The following EVPL variants were observed in gnomAD, a reference collection of about 807,000 sequenced individuals.
EVPL encodes the protein envoplakin, also known as 210 kDa cornified envelope precursor protein.
EVPL carries 94 observed loss-of-function variants against 129.7 expected under a neutral mutation model. The observed-to-expected ratio is 0.72, with a 90% CI of 0.61 to 0.86. The LOEUF is 0.86. EVPL is among the 40% of genes least tolerant of loss of function. The probability of loss-of-function intolerance (pLI) is 0.00; values close to 1 mark genes in which losing one functional copy is unlikely to be tolerated. For missense variants in EVPL, 2,625 were observed against 2,721.1 expected, an observed-to-expected ratio of 0.96 and a Z score of 0.79; for synonymous variants, 1,172 against 1,191.1, an observed-to-expected ratio of 0.98 and a Z score of 0.33.
chr17:76,022,628 G>T lies in EVPL; in HGVS notation c.481-90C>A. 6.7e-7 allele frequency: 1 copy of T among 1,492,568 alleles called. No individual in the cohort carries two copies. The highest frequency in any genetic ancestry group is 8.9e-7 in the Non-Finnish European group (1 of 1,118,650). 92.5% of individuals were successfully genotyped at this position (1,492,568 alleles called of 1,614,324 possible). On this transcript the variant is annotated intron_variant, in intron 4 of 21. Transcript: ENST00000301607. This position sits in a 1 kb window ranked among gnomAD's most constrained non-coding sequence, Gnocchi z 5.6. ...CCTCCCACCCGGAGAAGTGGACTTG[G>T]TCATTTGGGCAGAGCGTGGACGAGC... is the stretch of plus-strand genomic sequence containing the variant.
rs776275065 is a variant in EVPL at position 76,009,370 on chromosome 17, C to T, written c.3835G>A (p.Glu1279Lys). 1.2e-6 allele frequency: 2 copies of T among 1,613,694 alleles called. No individual in the cohort carries two copies. The highest frequency in any genetic ancestry group is 3.3e-5 in the Admixed American group (2 of 60,004). Residue 1279 changes from glutamate to lysine, a missense_variant, in exon 22 of 22, where the codon GAG (glutamate) becomes AAG (lysine). Physicochemically the swap from Glu to Lys is moderately conservative, Grantham distance 56. Coordinates refer to ENST00000301607, the MANE Select transcript of EVPL (RefSeq NM_001988.4). The surrounding 1 kb of genome is among the most constrained non-coding windows in gnomAD (Gnocchi z 5.9). ...GAGCGCCCGTGGCTGTTGACGAGCTCGTTGAGCTGAGCCTTCAGGCGGTCG... is the reference window on the plus strand; with the variant it reads ...GAGCGCCCGTGGCTGTTGACGAGCTTGTTGAGCTGAGCCTTCAGGCGGTCG... ...EIDRLKAQLNELVNSHGRSQE... is the reference protein window; with the variant it reads ...EIDRLKAQLNKLVNSHGRSQE...
In EVPL at chr17:76,009,086, C is replaced by T; in HGVS notation, c.4119G>A (p.Gln1373=). ...GGTCCTTCTGGGTGACCACCACCTC[C>T]TGCACCACCACCTTCTCCTCGGGCT... is the stretch of plus-strand genomic sequence containing the variant. ...RRKPEEKVVV[Q]EVVVTQKDPK... The change falls in exon 22 of 22, where the codon CAG becomes CAA. Residue 1373 remains glutamine, a synonymous_variant. Transcript: ENST00000301607. The surrounding 1 kb of genome is among the most constrained non-coding windows in gnomAD (Gnocchi z 5.9). 3.1e-6 allele frequency: 5 copies of T among 1,613,482 alleles called. No homozygotes were observed. The highest frequency in any genetic ancestry group is 3.4e-6 in the Non-Finnish European group (4 of 1,179,622).
chr17:76,019,104 T>C, intron 10 of EVPL, 44 bp from the exon 11 acceptor site: 2 of 1,520,406 alleles, frequency 1.3e-6, no homozygotes, highest in Non-Finnish European at 1.7e-6. Flanking sequence ...CAGGCTGCAT[T>C]GGAGGCTGGC....
In EVPL at chr17:76,018,950, C is replaced by T. The variant is rs1458385050; in HGVS notation, c.1248G>A (p.Leu416=). ...PQRRNPPQQP[L]HVDSICDWDS... The stretch of plus-strand genomic sequence containing the variant: ...CCCAGTCGCAGATGCTGTCCACGTG[C>T]AGGGGCTGCTGAGGGGGGTTTCTTC... Residue 416 remains leucine, a synonymous_variant, in exon 11 of 22, where the codon CTG becomes CTA. Transcript: ENST00000301607. 1.5e-5 allele frequency: 24 copies of T among 1,555,920 alleles called. No individual in the cohort carries two copies. Among genetic ancestry groups the T allele is most frequent in the Non-Finnish European group, 2.1e-5 (24 of 1,155,252 alleles).
chr17:76,012,142 C>T (rs571609036), intron 18 of EVPL, 53 bp from the exon 19 acceptor site: 31 of 1,422,846 alleles, frequency 2.2e-5, no homozygotes, highest in Non-Finnish European at 2.9e-5. Flanking sequence ...ATCACCCTGA[C>T]TCTCCTCTAG....
In EVPL at chr17:76,017,886, G is replaced by T; in HGVS notation, c.1563C>A (p.Asn521Lys). Residue 521 changes from asparagine to lysine, a missense_variant, in exon 14 of 22, where the codon AAC becomes AAA. Asn to Lys is a moderately conservative substitution (Grantham distance 94). Around this residue, in one of 4 missense-constraint regions of EVPL, gnomAD observed 1,024 missense variants for 997.5 expected, o/e 1.03. Coordinates refer to ENST00000301607, the MANE Select transcript of EVPL (RefSeq NM_001988.4). ...QQAPSGSDLA[N>K]PQAQKLLTQM... is the part of the protein sequence containing the mutation. Reference sequence around the variant, plus strand: ...GTGTCAGGAGCTTCTGGGCCTGTGGGTTGGCCAGGTCTGAGCCAGATGGAG... The same window carrying T: ...GTGTCAGGAGCTTCTGGGCCTGTGGTTTGGCCAGGTCTGAGCCAGATGGAG... The T allele has an allele frequency of 6.2e-7, 1 of 1,614,120 alleles. No homozygotes were observed. Among genetic ancestry groups the T allele is most frequent in the Non-Finnish European group, 8.5e-7 (1 of 1,180,038 alleles).
chr17:76,019,781 C>T (rs1162918798), intron 9 of EVPL, 128 bp from the exon 10 acceptor site: 3 of 1,207,598 alleles, frequency 2.5e-6, no homozygotes, highest in Non-Finnish European at 3.3e-6. Flanking sequence ...CACAAACCAG[C>T]TAAACACAAA....
chr17:76,014,409 C>A lies in EVPL; in HGVS notation c.2373+17G>T. ...GGGCCACATGGGCACAGGCAGCTGTCCCTGCCCCAGCCTCACCTTCTGCGC... is the reference window on the plus strand; with the variant it reads ...GGGCCACATGGGCACAGGCAGCTGTACCTGCCCCAGCCTCACCTTCTGCGC... On this transcript the variant is annotated intron_variant, in intron 18 of 21. Coordinates refer to ENST00000301607, the MANE Select transcript of EVPL (RefSeq NM_001988.4). 6.2e-7 allele frequency: 1 copy of A among 1,604,148 alleles called. No homozygotes were observed. Among genetic ancestry groups the A allele is most frequent in the East Asian group, 2.2e-5 (1 of 44,638 alleles).
chr17:76,007,608 C>A lies in EVPL; in HGVS notation c.5597G>T (p.Gly1866Val). The change falls in exon 22 of 22, where the codon GGG becomes GTG. Residue 1866 changes from glycine (G) to valine (V), a missense_variant. By Grantham distance (109) the Gly-to-Val change is moderately radical. Coordinates refer to ENST00000301607, the MANE Select transcript of EVPL (RefSeq NM_001988.4). The surrounding 1 kb of genome is among the most constrained non-coding windows in gnomAD (Gnocchi z 8.8). ...QKLLEAQAAT[G>V]GIVDLLSRER... ...ACGGCTGAGCAGGTCCACGATGCCCCCTGTGGCCGCCTGGGCCTCCAGTAG... is the reference window on the plus strand; with the variant it reads ...ACGGCTGAGCAGGTCCACGATGCCCACTGTGGCCGCCTGGGCCTCCAGTAG... 1 of 1,613,948 alleles carries A rather than the reference C, an allele frequency of 6.2e-7. No individual in the cohort carries two copies. Among genetic ancestry groups the A allele is most frequent in the Non-Finnish European group, 8.5e-7 (1 of 1,180,032 alleles).
At chr17:76,011,411 GA>G in intron 21 of EVPL, 164 bp downstream of exon 21, 1 of 655,184 alleles carries the variant, frequency 1.5e-6, no homozygotes, top group Non-Finnish European at 2.7e-6. Flanking sequence ...TGGGTGGCTG[GA>G]ATCCGCTCCC....
chr17:76,011,194 C>T (rs768658165), intron 21 of EVPL, among the ~76,000 whole-genome samples: 1 of 152,236 alleles, frequency 6.6e-6, no homozygotes, highest in Non-Finnish European at 1.5e-5. Flanking sequence ...GGCAAGTCAC[C>T]AGGAGTCCTG....
rs948480449 is a variant in EVPL at position 76,013,386 on chromosome 17, C to T, written c.2373+1040G>A. On this transcript the variant is annotated intron_variant, in intron 18 of 21. Coordinates refer to ENST00000301607, the MANE Select transcript of EVPL (RefSeq NM_001988.4). This position sits in a 1 kb window ranked among gnomAD's most constrained non-coding sequence, Gnocchi z 4.3. ...TTGCTCTCACGAGCTCCTAGGGGAA[C>T]CCCCAGCCCCAGTTCCCTCCCATAT... is the stretch of plus-strand genomic sequence containing the variant. Among the ~76,000 whole-genome samples, 1 of 152,150 alleles carries T rather than the reference C, an allele frequency of 6.6e-6. No individual in the cohort carries two copies. The highest frequency in any genetic ancestry group is 6.5e-5 in the Admixed American group (1 of 15,286).
In EVPL at chr17:76,014,449, C is replaced by G; in HGVS notation, c.2350G>C (p.Ala784Pro). 2 of 1,610,512 alleles carry G rather than the reference C, an allele frequency of 1.2e-6. No individual in the cohort carries two copies. The highest frequency in any genetic ancestry group is 1.7e-6 in the Non-Finnish European group (2 of 1,178,930). The change falls in exon 18 of 22, where the codon GCC becomes CCC. Residue 784 changes from alanine to proline, a missense_variant. Ala to Pro is a conservative substitution (Grantham distance 27). Coordinates refer to ENST00000301607, the MANE Select transcript of EVPL (RefSeq NM_001988.4). ...VRPSDGPSQI[A>P]YKLQAQKRLT... ...ACCTTCTGCGCCTGCAGCTTGTAGG[C>G]GATCTGGCTGGGGCCGTCGCTGGGC...
rs139153330 is a variant in EVPL, at chr17:76,011,854, C to A, written c.2486G>T (p.Arg829Leu). ...QDYELQADTY[R>L]CSLEPTLAVS... is the part of the protein sequence containing the mutation. Reference sequence around the variant, plus strand: ...TGCCAGGGTGGGCTCCAAAGAGCAGCGGTAGGTGTCTGCCTGGAGCTCATA... The same window carrying A: ...TGCCAGGGTGGGCTCCAAAGAGCAGAGGTAGGTGTCTGCCTGGAGCTCATA... Residue 829 changes from arginine (R) to leucine (L), a missense_variant, in exon 20 of 22, where the codon CGC becomes CTC. This residue lies in a region of EVPL where 1,024 missense variants were observed against 997.5 expected (regional missense o/e 1.03). Transcript: ENST00000301607. 6.2e-7 allele frequency: 1 copy of A among 1,613,388 alleles called. No individual in the cohort carries two copies. The highest frequency in any genetic ancestry group is 1.1e-5 in the South Asian group (1 of 91,062).
intron 1 of EVPL, among the ~76,000 whole-genome samples, chr17:76,026,239 A>G (rs1598247844): frequency 8.2e-6 from 1 of 122,424 alleles, no homozygotes; most frequent in Admixed American, 9.2e-5. Context: ...GTATTGCGCC[A>G]GGATTTTTTT....
Position 76,007,157 on chromosome 17 carries a change from C to G in EVPL, c.6048G>C (p.Glu2016Asp), listed in dbSNP as rs765498392. The G allele has an allele frequency of 3.3e-6, 5 of 1,508,872 alleles. No homozygotes were observed. In the East Asian group the frequency reaches 1.1e-4, roughly 34 times the overall value. 93.5% of individuals were successfully genotyped at this position (1,508,872 alleles called of 1,614,324 possible). A position where few individuals can be genotyped will look rare whatever the true frequency, so the allele number is the denominator to read the frequency against. Reference protein sequence around the residue: ...SGLLLLPAALEGYRCYRSASP... With the variant: ...SGLLLLPAALDGYRCYRSASP... ...AGGCGGAGCGGTAGCAGCGGTACCC[C>G]TCCAGTGCCGCTGGCAGGAGCAGCA... Residue 2016 changes from glutamate to aspartate, a missense_variant, in exon 22 of 22, where the codon GAG (glutamate) becomes GAC (aspartate). Glu to Asp is a conservative substitution (Grantham distance 45). Transcript: ENST00000301607. The surrounding 1 kb of genome is among the most constrained non-coding windows in gnomAD (Gnocchi z 8.8).
chr17:76,008,280 T>C lies in EVPL; in HGVS notation c.4925A>G (p.Glu1642Gly), dbSNP rs1372204439. The C allele has an allele frequency of 1.2e-6, 2 of 1,611,392 alleles. No homozygotes were observed. Among genetic ancestry groups the C allele is most frequent in the Non-Finnish European group, 1.7e-6 (2 of 1,179,920 alleles). The change falls in exon 22 of 22, where the codon GAG (glutamate) becomes GGG (glycine). Residue 1642 changes from glutamate (E) to glycine (G), a missense_variant. Around this residue, in one of 4 missense-constraint regions of EVPL, gnomAD observed 1,453 missense variants for 1,511.8 expected, o/e 0.96. Coordinates refer to ENST00000301607, the MANE Select transcript of EVPL (RefSeq NM_001988.4). This position sits in a 1 kb window ranked among gnomAD's most constrained non-coding sequence, Gnocchi z 7.4. ...GTCCTTCTCGCGGAGGATGGCCGCC[T>C]CCAGCCGCGAGAGCTCCTGGCCCCG... is the stretch of plus-strand genomic sequence containing the variant. Reference protein sequence around the residue: ...AQRGQELSRLEAAILREKDQI... With the variant: ...AQRGQELSRLGAAILREKDQI...
Position 76,022,398 on chromosome 17 carries a change from T to TCCAGGCTCACCTA in EVPL, c.606+2_606+14dup. 1.2e-6 allele frequency: 2 copies of TCCAGGCTCACCTA among 1,613,262 alleles called. No individual in the cohort carries two copies. Among genetic ancestry groups the TCCAGGCTCACCTA allele is most frequent in the Non-Finnish European group, 1.7e-6 (2 of 1,179,836 alleles). ...GGGGCTGGCCCCGGATGTGACATCC[T>TCCAGGCTCACCTA]CCAGGCTCACCTACCGGCCCCACGA... On this transcript the variant is annotated intron_variant, in intron 5 of 21. Coordinates refer to ENST00000301607, the MANE Select transcript of EVPL (RefSeq NM_001988.4). The surrounding 1 kb of genome is among the most constrained non-coding windows in gnomAD (Gnocchi z 5.6).
chr17:76,015,720 T>A, intron 14 of EVPL, 92 bp from the exon 15 acceptor site: 1 of 1,325,860 alleles, frequency 7.5e-7, no homozygotes, highest in Non-Finnish European at 1.0e-6. Context: ...ATGGAGGCAG[T>A]AGAGTGTGGT....
Sources: allele counts gnomAD v4.1 joint callset (sites outside exome capture counted in the v4.1 genomes callset), GRCh38; gene constraint gnomAD v4.1.1; regional missense constraint gnomAD v4.1.1; non-coding constraint Gnocchi (gnomAD v3.1); transcripts MANE v1.5; gene names NCBI Gene and HGNC (gene_info 2026-07-23, HGNC 2026-07-21).